The following FAM149B1 variants were observed in gnomAD, a reference collection of about 807,000 sequenced individuals.
The protein encoded by FAM149B1 is family with sequence similarity 149 member B1, also known as primary cilium assembly protein FAM149B1.
In FAM149B1, 56 loss-of-function variants were observed where a neutral mutation model predicts 75.3. The observed-to-expected ratio is 0.74, with a 90% confidence interval of 0.60 to 0.93. FAM149B1 has a LOEUF of 0.93. Ranked by LOEUF, FAM149B1 falls within the 40% of genes least tolerant of loss-of-function variation. The pLI is 0.00. For synonymous variants in FAM149B1, 259 were observed against 256.1 expected (o/e 1.01, Z -0.11); for missense variants, 639 against 708.4 (o/e 0.90, Z 1.11).
Position 73,228,195 on chromosome 10 carries a change from G to A in FAM149B1, c.1023+11G>A. ...ATTACCTCAAATCCGGTAAGCCCCA[G>A]AGGGATCAGTTGGAGACCCCAGGGC... On this transcript the variant is annotated intron_variant, in intron 8 of 13. Transcript: ENST00000242505. 1.3e-6 allele frequency: 2 copies of A among 1,551,608 alleles called. No homozygotes were observed. Among genetic ancestry groups the A allele is most frequent in the African/African-American group, 2.7e-5 (2 of 73,168 alleles).
At chr10:73,208,073 G>A (rs2043106969) in intron 5 of FAM149B1, among the ~76,000 whole-genome samples, 2 of 152,228 alleles carry the variant, frequency 1.3e-5, no homozygotes, top group African/African-American at 4.8e-5. Flanking sequence ...GCTAGAGGTG[G>A]GGCCTGGTGG....
intron 1 of FAM149B1, chr10:73,168,779 A>G (rs555316055): frequency 5.5e-6 from 1 of 182,274 alleles, no homozygotes; most frequent in African/African-American, 2.4e-5. Flanking sequence ...GATTGGGAAC[A>G]TTATTTTGCA....
chr10:73,233,070 A>T lies in FAM149B1; in HGVS notation c.1259A>T (p.Asn420Ile). 6.4e-7 allele frequency: 1 copy of T among 1,551,702 alleles called. No individual in the cohort carries two copies. The highest frequency in any genetic ancestry group is 8.7e-7 in the Non-Finnish European group (1 of 1,146,976). ...SYTVQSTRRR[N>I]PPPRTLHPIS... ...ACAGTGCAGTCCACCAGGAGACGCA[A>T]TCCACCACCACGAACTCTTCATCCG... is the stretch of plus-strand genomic sequence containing the variant. Residue 420 changes from asparagine (N) to isoleucine (I), a missense_variant, in exon 10 of 14, where the codon AAT becomes ATT. By Grantham distance (149) the Asn-to-Ile change is moderately radical (BLOSUM62 -3). Coordinates refer to ENST00000242505, the MANE Select transcript of FAM149B1 (RefSeq NM_173348.2).
chr10:73,181,747 A>G (rs1312094762), intron 3 of FAM149B1, among the ~76,000 whole-genome samples: 1 of 152,180 alleles, frequency 6.6e-6, no homozygotes, highest in Non-Finnish European at 1.5e-5. Flanking sequence ...TTCTGTAAAT[A>G]TGTTAGATCC....
intron 1 of FAM149B1, chr10:73,168,785 T>C (rs1843569393): frequency 5.7e-6 from 1 of 176,442 alleles, no homozygotes; most frequent in African/African-American, 2.4e-5. Flanking sequence ...GAACATTATT[T>C]TGCACATTCT....
chr10:73,201,784 G>A (rs751287989), intron 5 of FAM149B1, among the ~76,000 whole-genome samples: 1 of 152,006 alleles, frequency 6.6e-6, no homozygotes, highest in Non-Finnish European at 1.5e-5. Context: ...CCTAAATAGG[G>A]TTAAATTCCC....
In FAM149B1 at chr10:73,243,018, G is replaced by A. The variant is rs2043971120; in HGVS notation, c.*1999G>A. On this transcript the variant is annotated 3_prime_UTR_variant, in exon 14 of 14. Transcript: ENST00000242505. ...GCTGTCCAGCAAGTGTCTGGAAGGT[G>A]TTCTAGCTGGGTAGAGAGCCTATTC... The A allele has an allele frequency of 5.5e-6, 1 of 181,950 alleles. No individual in the cohort carries two copies. Among genetic ancestry groups the A allele is most frequent in the Non-Finnish European group, 1.2e-5 (1 of 86,636 alleles). The allele number at this position is 181,950 out of a possible 1,614,324, so 11.3% of individuals were successfully genotyped here. A position where few individuals can be genotyped will look rare whatever the true frequency, so the allele number is the denominator to read the frequency against.
chr10:73,199,197 TTTGTTGTTG>T (rs3998310), intron 5 of FAM149B1, among the ~76,000 whole-genome samples: 52 of 146,560 alleles, frequency 3.5e-4, no homozygotes, highest in Admixed American at 6.1e-4. Context: ...GTTATCCTTT[TTTGTTGTTG>T]TTGTTGTTGT....
At chr10:73,225,462 AT>A (rs1299243471) in intron 7 of FAM149B1, among the ~76,000 whole-genome samples, 1 of 152,256 alleles carries the variant, frequency 6.6e-6, no homozygotes, top group Non-Finnish European at 1.5e-5. Flanking sequence ...TAATTAAAAA[AT>A]AGGCAAACCT....
At chr10:73,230,217 TAGGAATGGAG>T in intron 8 of FAM149B1, 195 bp from the exon 9 acceptor site, 2 of 464,656 alleles carry the variant, frequency 4.3e-6, no homozygotes, top group South Asian at 5.3e-5. Flanking sequence ...TGCTGTCATT[TAGGAATGGAG>T]AGGAAAGGAG....
chr10:73,203,901 A>C (rs796994213), intron 5 of FAM149B1, among the ~76,000 whole-genome samples: 5 of 152,242 alleles, frequency 3.3e-5, no homozygotes, highest in African/African-American at 1.2e-4. Flanking sequence ...TCAGCCTCCC[A>C]AAGTGCAGAG....
intron 1 of FAM149B1, among the ~76,000 whole-genome samples, chr10:73,172,069 TATTAA>T: frequency 6.7e-6 from 1 of 149,848 alleles, no homozygotes; most frequent in Non-Finnish European, 1.5e-5. Flanking sequence ...ATAGTGCCAT[TATTAA>T]ATTTAATGAT....
At chr10:73,173,216 C>G (rs1441060592) in intron 1 of FAM149B1, among the ~76,000 whole-genome samples, 1 of 152,164 alleles carries the variant, frequency 6.6e-6, no homozygotes. Context: ...ATCCCATGAA[C>G]TTTTCACTCA....
intron 5 of FAM149B1, among the ~76,000 whole-genome samples, chr10:73,205,418 C>T (rs1450536930): frequency 6.6e-6 from 1 of 152,140 alleles, no homozygotes. Flanking sequence ...TAAGTTAAAG[C>T]TTCCTGCAGC....
chr10:73,193,366 C>T, intron 4 of FAM149B1, 111 bp from the exon 5 acceptor site: 1 of 976,304 alleles, frequency 1.0e-6, no homozygotes, highest in African/African-American at 1.6e-5. Flanking sequence ...CAGTATCAGA[C>T]TGTATACTGG....
chr10:73,187,234 T>C (rs985317572), intron 3 of FAM149B1, among the ~76,000 whole-genome samples: 2 of 151,918 alleles, frequency 1.3e-5, no homozygotes, highest in African/African-American at 4.8e-5. Flanking sequence ...AAATTCCTTG[T>C]TCATGAATTG....
At chr10:73,221,744 G>A (rs577687361) in intron 7 of FAM149B1, among the ~76,000 whole-genome samples, 101 of 152,078 alleles carry the variant, frequency 6.6e-4, no homozygotes, top group Non-Finnish European at 1.2e-3. Flanking sequence ...CCCATCATCC[G>A]TCAGGACTTT....
intron 13 of FAM149B1, among the ~76,000 whole-genome samples, chr10:73,240,107 A>G (rs1307684357): frequency 6.6e-6 from 1 of 152,158 alleles, no homozygotes; most frequent in African/African-American, 2.4e-5. Flanking sequence ...TTTTGTAGAG[A>G]CAGGGTCTTG....
At chr10:73,173,897 GTGT>G (rs1207335753) in intron 1 of FAM149B1, among the ~76,000 whole-genome samples, 2 of 152,122 alleles carry the variant, frequency 1.3e-5, no homozygotes, top group Non-Finnish European at 2.9e-5. Context: ...GTTTAAACCT[GTGT>G]TGTTCAAGGT....
Sources: allele counts gnomAD v4.1 joint callset (sites outside exome capture counted in the v4.1 genomes callset), GRCh38; gene constraint gnomAD v4.1.1; transcripts MANE v1.5; gene names NCBI Gene and HGNC (gene_info 2026-07-23, HGNC 2026-07-21).